The following DMRT1 variants were observed in gnomAD, a reference collection of about 807,000 sequenced individuals.
DMRT1 encodes the protein doublesex- and mab-3-related transcription factor 1.
A neutral mutation model predicts 32.3 loss-of-function variants in DMRT1; 7 were observed. That is an observed-to-expected ratio of 0.22 (90% CI 0.12 to 0.41). The LOEUF (loss-of-function observed/expected upper bound fraction) is 0.41, where lower values mean the gene tolerates loss of function less well. Among genes scored for constraint, DMRT1 ranks in the 10% least tolerant of loss-of-function variants. The probability of loss-of-function intolerance (pLI) is 1.00; values close to 1 mark genes in which losing one functional copy is unlikely to be tolerated. For missense variants in DMRT1, 625 were observed against 500.5 expected (o/e 1.25, Z -2.37); for synonymous variants, 278 against 206.1 (o/e 1.35, Z -2.99).
intron 2 of DMRT1, among the ~76,000 whole-genome samples, chr9:852,563 C>T (rs1030468598): frequency 1.3e-5 from 2 of 152,166 alleles, no homozygotes; most frequent in African/African-American, 2.4e-5. Flanking sequence ...ATGCAAAGGT[C>T]TGCATAGTTC....
intron 4 of DMRT1, among the ~76,000 whole-genome samples, chr9:963,417 AC>A (rs1032360768): frequency 1.3e-5 from 1 of 77,350 alleles, no homozygotes; most frequent in Non-Finnish European, 3.0e-5. Context: ...AACGATCATT[AC>A]TTTTTTTTTA....
chr9:863,319 TAAA>T (rs34511298), intron 2 of DMRT1, among the ~76,000 whole-genome samples: 350 of 135,082 alleles, frequency 2.6e-3, no homozygotes, highest in East Asian at 3.0e-3. Context: ...CCACGTCTCT[TAAA>T]AAAAAAAAAA....
rs1819903225 is a variant in DMRT1 at position 965,454 on chromosome 9, C to CCCACGTCGCAAGAG, written c.968-2529_968-2516dup. Among the ~76,000 whole-genome samples, 1 of 152,144 alleles carries CCCACGTCGCAAGAG rather than the reference C, an allele frequency of 6.6e-6. No individual in the cohort carries two copies. The highest frequency in any genetic ancestry group is 1.5e-5 in the Non-Finnish European group (1 of 68,032). ...GGTAATATTCTGCATGCTTTGTGGC[C>CCCACGTCGCAAGAG]CCACGTCGCAAGAGCACTTTCCAAG... is the stretch of plus-strand genomic sequence containing the variant. On this transcript the variant is annotated intron_variant, in intron 4 of 4. Transcript: ENST00000382276. The surrounding 1 kb of genome is among the most constrained non-coding windows in gnomAD (Gnocchi z 4.5).
At chr9:930,626 T>C (rs1048894752) in intron 4 of DMRT1, among the ~76,000 whole-genome samples, 1 of 151,998 alleles carries the variant, frequency 6.6e-6, no homozygotes, top group Non-Finnish European at 1.5e-5. Context: ...GCCAGGATGG[T>C]CTCGATCTCC....
At chr9:964,116 C>T (rs1314749876) in intron 4 of DMRT1, among the ~76,000 whole-genome samples, 1 of 152,160 alleles carries the variant, frequency 6.6e-6, no homozygotes, top group African/African-American at 2.4e-5. Context: ...TCGTTCCAGT[C>T]CATTGACTTC....
Position 863,370 on chromosome 9 carries a change from G to A in DMRT1, c.538+16227G>A, listed in dbSNP as rs971863821. 5.9e-5 allele frequency among the ~76,000 whole-genome samples: 9 copies of A among 151,262 alleles called. No individual in the cohort carries two copies. The South Asian group carries it at 1.9e-3, about 32-fold the overall frequency. ...GGAAGTGTGGACAGAACCTTTCCTGGCTGCAACTAGAGATGCCATGACAGA... is the reference window on the plus strand; with the variant it reads ...GGAAGTGTGGACAGAACCTTTCCTGACTGCAACTAGAGATGCCATGACAGA... On this transcript the variant is annotated intron_variant, in intron 2 of 4. Coordinates refer to ENST00000382276, the MANE Select transcript of DMRT1 (RefSeq NM_021951.3).
chr9:904,829 A>G (rs1817709429), intron 3 of DMRT1, among the ~76,000 whole-genome samples: 1 of 152,000 alleles, frequency 6.6e-6, no homozygotes, highest in Non-Finnish European at 1.5e-5. Context: ...CTATAATCCC[A>G]GCTACTCGAG....
chr9:876,118 C>T (rs1156595368), intron 2 of DMRT1, among the ~76,000 whole-genome samples: 1 of 152,172 alleles, frequency 6.6e-6, no homozygotes, highest in Non-Finnish European at 1.5e-5. Flanking sequence ...CAATTGAGAG[C>T]TGGGTGACAG....
At chr9:909,956 C>G (rs1261860177) in intron 3 of DMRT1, among the ~76,000 whole-genome samples, 2 of 152,174 alleles carry the variant, frequency 1.3e-5, no homozygotes, top group African/African-American at 4.8e-5. Context: ...TCAAATAATC[C>G]TTCCTCCTCA....
chr9:932,841 A>T (rs1818768992), intron 4 of DMRT1, among the ~76,000 whole-genome samples: 1 of 152,118 alleles, frequency 6.6e-6, no homozygotes, highest in Non-Finnish European at 1.5e-5. Flanking sequence ...TAAATAAAGG[A>T]TACAACTCAG....
chr9:891,244 C>G (rs1316663138), intron 2 of DMRT1, among the ~76,000 whole-genome samples: 1 of 147,466 alleles, frequency 6.8e-6, no homozygotes, highest in Admixed American at 6.8e-5. Flanking sequence ...CTCAGGAGTT[C>G]GAGATCAGCC....
intron 2 of DMRT1, among the ~76,000 whole-genome samples, chr9:874,330 C>G (rs968932678): frequency 1.3e-5 from 2 of 152,162 alleles, no homozygotes; most frequent in Admixed American, 1.3e-4. Flanking sequence ...GCGCCTTCAT[C>G]TAATATTTAT....
At chr9:918,821 G>T (rs1432291046) in intron 4 of DMRT1, among the ~76,000 whole-genome samples, 3 of 152,178 alleles carry the variant, frequency 2.0e-5, no homozygotes, top group African/African-American at 4.8e-5. Context: ...TTAACAGAAG[G>T]CTTAATGCCT....
chr9:852,879 C>T (rs928083792), intron 2 of DMRT1, among the ~76,000 whole-genome samples: 2 of 152,194 alleles, frequency 1.3e-5, no homozygotes, highest in Admixed American at 1.3e-4. Flanking sequence ...CACTTTTCTT[C>T]AGCAGTTACT....
At chr9:955,279 A>T (rs1819563525) in intron 4 of DMRT1, among the ~76,000 whole-genome samples, 1 of 152,186 alleles carries the variant, frequency 6.6e-6, no homozygotes, top group Admixed American at 6.5e-5. Flanking sequence ...TGTGAGCATG[A>T]GGAAAGTTTT....
chr9:953,009 T>C (rs1158055107), intron 4 of DMRT1, among the ~76,000 whole-genome samples: 4 of 152,246 alleles, frequency 2.6e-5, no homozygotes, highest in African/African-American at 9.6e-5. Flanking sequence ...TCAAAGGTTT[T>C]GAAAGATACA....
chr9:929,560 T>C (rs1229677324), intron 4 of DMRT1, among the ~76,000 whole-genome samples: 1 of 151,558 alleles, frequency 6.6e-6, no homozygotes, highest in Non-Finnish European at 1.5e-5. Context: ...GCTTGGGTGA[T>C]ACATAGGTCC....
Position 842,435 on chromosome 9 carries a change from C to A in DMRT1, c.354+243C>A, listed in dbSNP as rs1838729012. On this transcript the variant is annotated intron_variant, in intron 1 of 4. Transcript: ENST00000382276. ...TTTTTAGTAGAGACGGGGGTTTCAC[C>A]ATATTGGTCAGGCCGGTCTCGAGCT... The A allele has an allele frequency of 1.6e-5, 9 of 554,768 alleles. No individual in the cohort carries two copies. The South Asian group carries it at 1.9e-4, about 12-fold the overall frequency. The allele number at this position is 554,768 out of a possible 1,614,324, so 34.4% of individuals were successfully genotyped here.
At chr9:898,461 A>C (rs1012511543) in intron 3 of DMRT1, among the ~76,000 whole-genome samples, 6 of 152,150 alleles carry the variant, frequency 3.9e-5, no homozygotes, top group African/African-American at 1.4e-4. Flanking sequence ...TCTGGATGGC[A>C]GTCTTTTCCT....
Sources: allele counts gnomAD v4.1 joint callset (sites outside exome capture counted in the v4.1 genomes callset), GRCh38; gene constraint gnomAD v4.1.1; non-coding constraint Gnocchi (gnomAD v3.1); transcripts MANE v1.5; gene names NCBI Gene and HGNC (gene_info 2026-07-23, HGNC 2026-07-21).